The following LRRTM1 variants were observed in gnomAD, a reference collection of about 807,000 sequenced individuals.
The protein encoded by LRRTM1 is leucine rich repeat transmembrane neuronal 1.
A neutral mutation model predicts 37.3 loss-of-function variants in LRRTM1; 8 were observed. The observed-to-expected ratio is 0.21, with a 90% confidence interval of 0.13 to 0.39. The LOEUF (loss-of-function observed/expected upper bound fraction) is 0.39, where lower values mean the gene tolerates loss of function less well. LRRTM1 is among the 10% of genes least tolerant of loss of function. The probability of loss-of-function intolerance (pLI) is 1.00; values close to 1 mark genes in which losing one functional copy is unlikely to be tolerated. For missense variants in LRRTM1, 557 were observed against 691.0 expected (o/e 0.81, Z 2.17); for synonymous variants, 326 against 316.8 (o/e 1.03, Z -0.31).
chr2:80,292,383 A>C (rs981482055), intron 2 of LRRTM1, among the ~76,000 whole-genome samples: 1 of 152,118 alleles, frequency 6.6e-6, no homozygotes, highest in Non-Finnish European at 1.5e-5. Context: ...CCCTTGACAC[A>C]TCCTACCATG....
Position 80,302,636 on chromosome 2 carries a change from G to C in LRRTM1, c.1184C>G (p.Ala395Gly). 6.2e-7 allele frequency: 1 copy of C among 1,607,106 alleles called. No homozygotes were observed. Residue 395 changes from alanine (A) to glycine (G), a missense_variant, in exon 2 of 2, where the codon GCG (alanine) becomes GGG (glycine). Transcript: ENST00000295057. This position sits in a 1 kb window ranked among gnomAD's most constrained non-coding sequence, Gnocchi z 6.4. ...GPPASSATTL[A>G]DGGEGQHDGT... ...GTCGTGCTGCCCCTCCCCGCCGTCC[G>C]CGAGCGTGGTGGCCGAGCTGGCAGG...
In LRRTM1 at chr2:80,303,970, C is replaced by T; in HGVS notation, c.-59-92G>A. On this transcript the variant is annotated intron_variant, in intron 1 of 1. Transcript: ENST00000295057. This position sits in a 1 kb window ranked among gnomAD's most constrained non-coding sequence, Gnocchi z 7.7. ...AAATACATAGAAATAAAGAAGGACC[C>T]CCCTCCCCAAAAACCACACGTTCAC... The T allele has an allele frequency of 1.1e-6, 1 of 924,182 alleles. No homozygotes were observed. The highest frequency in any genetic ancestry group is 1.5e-6 in the Non-Finnish European group (1 of 656,280). 57.2% of individuals were successfully genotyped at this position (924,182 alleles called of 1,614,324 possible). A position where few individuals can be genotyped will look rare whatever the true frequency, so the allele number is the denominator to read the frequency against.
Position 80,304,134 on chromosome 2 carries a change from A to C in LRRTM1, c.-60+18T>G. The C allele has an allele frequency of 3.5e-6, 1 of 285,054 alleles. No homozygotes were observed. The highest frequency in any genetic ancestry group is 6.4e-6 in the Non-Finnish European group (1 of 155,112). 17.7% of individuals were successfully genotyped at this position (285,054 alleles called of 1,614,324 possible). ...AAAATCTTCGGGAAAGAATTTAATT[A>C]AAAAGTGTCTTACCCACCCTTTTCC... On this transcript the variant is annotated intron_variant, in intron 1 of 1. Transcript: ENST00000295057.
rs1471814713 is a variant in LRRTM1 at position 80,303,577 on chromosome 2, G to T, written c.243C>A (p.Arg81=). 1 of 1,614,230 alleles carries T rather than the reference G, an allele frequency of 6.2e-7. No individual in the cohort carries two copies. The highest frequency in any genetic ancestry group is 2.2e-5 in the East Asian group (1 of 44,872). Residue 81 remains arginine, a synonymous_variant, in exon 2 of 2, where the codon CGC becomes CGA. Transcript: ENST00000295057. This position sits in a 1 kb window ranked among gnomAD's most constrained non-coding sequence, Gnocchi z 7.7. ...SLRYNSLSEL[R]AGQFTGLMQL... is the part of the protein sequence containing the mutation. ...GCATTAACCCCGTGAACTGGCCGGC[G>T]CGCAGCTCCGAGAGGCTGTTGTAGC...
intron 2 of LRRTM1, among the ~76,000 whole-genome samples, chr2:80,292,004 A>G (rs889152197): frequency 1.3e-5 from 2 of 152,170 alleles, no homozygotes; most frequent in African/African-American, 4.8e-5. Flanking sequence ...CACTGCCTCC[A>G]TATCCCTCTT....
intron 2 of LRRTM1, among the ~76,000 whole-genome samples, chr2:80,295,279 A>G (rs1675646174): frequency 6.6e-6 from 1 of 150,988 alleles, no homozygotes; most frequent in African/African-American, 2.4e-5. Context: ...CCTGTGTCTC[A>G]GGTCTCATGT....
At chr2:80,299,987 G>A (rs947344600), downstream of LRRTM1, among the ~76,000 whole-genome samples, 3 of 152,110 alleles carry the variant, frequency 2.0e-5, no homozygotes, top group Non-Finnish European at 4.4e-5. Flanking sequence ...AAGGTATGCC[G>A]TCTTCTAGAG....
Position 80,302,000 on chromosome 2 carries a change from G to A in LRRTM1, c.*251C>T. ...GACAGATCTTCAAAGGGAGGAAGGA[G>A]TTCTCATATGAAATTTAAGATAGAC... On this transcript the variant is annotated 3_prime_UTR_variant, in exon 2 of 2. Transcript: ENST00000295057. The A allele has an allele frequency of 2.4e-6, 1 of 424,632 alleles. No homozygotes were observed. The highest frequency in any genetic ancestry group is 3.8e-5 in the East Asian group (1 of 26,564). 26.3% of individuals were successfully genotyped at this position (424,632 alleles called of 1,614,324 possible). A position where few individuals can be genotyped will look rare whatever the true frequency, so the allele number is the denominator to read the frequency against.
In LRRTM1 at chr2:80,302,388, G is replaced by A; in HGVS notation, c.1432C>T (p.His478Tyr). 1 of 1,614,260 alleles carries A rather than the reference G, an allele frequency of 6.2e-7. No homozygotes were observed. The highest frequency in any genetic ancestry group is 1.6e-4 in the Middle Eastern group (1 of 6,062). Residue 478 changes from histidine (H) to tyrosine (Y), a missense_variant, in exon 2 of 2, where the codon CAT becomes TAT. Physicochemically the swap from His to Tyr is moderately conservative, Grantham distance 83. Around this residue, in one of 5 missense-constraint regions of LRRTM1, gnomAD observed 90 missense variants for 149.4 expected, o/e 0.60. Coordinates refer to ENST00000295057, the MANE Select transcript of LRRTM1 (RefSeq NM_178839.5). The surrounding 1 kb of genome is among the most constrained non-coding windows in gnomAD (Gnocchi z 6.4). ...RRKQKQKQTM[H>Y]QMAAMSAQEY... ...TGGGCAGACATGGCAGCCATCTGATGCATGGTCTGTTTCTGCTTTTGCTTC... is the reference window on the plus strand; with the variant it reads ...TGGGCAGACATGGCAGCCATCTGATACATGGTCTGTTTCTGCTTTTGCTTC...
intron 2 of LRRTM1, among the ~76,000 whole-genome samples, chr2:80,294,125 A>C (rs1675512852): frequency 6.6e-6 from 1 of 152,182 alleles, no homozygotes; most frequent in African/African-American, 2.4e-5. Flanking sequence ...AGAAGGACTC[A>C]GAATTTAGAA....
Position 80,289,415 on chromosome 2 carries a change from A to G in LRRTM1, c.*307-220T>C, listed in dbSNP as rs145057281. 2.7e-4 allele frequency among the ~76,000 whole-genome samples: 41 copies of G among 152,244 alleles called. No individual in the cohort carries two copies. In the East Asian group the frequency reaches 6.8e-3, roughly 25 times the overall value. ...TCTCTACCCCAGTTCTCGCCTCTTTAGAGATAATTTTTATATTACTGATTT... is the reference window on the plus strand; with the variant it reads ...TCTCTACCCCAGTTCTCGCCTCTTTGGAGATAATTTTTATATTACTGATTT... On this transcript the variant is annotated intron_variant and NMD_transcript_variant, in intron 2 of 2. Transcript: ENST00000417012.
In LRRTM1 at chr2:80,303,909, A is replaced by T. The variant is rs1482546468; in HGVS notation, c.-59-31T>A. On this transcript the variant is annotated intron_variant, in intron 1 of 1. Coordinates refer to ENST00000295057, the MANE Select transcript of LRRTM1 (RefSeq NM_178839.5). This position sits in a 1 kb window ranked among gnomAD's most constrained non-coding sequence, Gnocchi z 7.7. ...TCATATTTTATTCCGAGGGAGGGGA[A>T]GCGGGGGAGGGGGAGAAAAGGGCAA... 7.0e-7 allele frequency: 1 copy of T among 1,419,774 alleles called. No homozygotes were observed. 87.9% of individuals were successfully genotyped at this position (1,419,774 alleles called of 1,614,324 possible). A position where few individuals can be genotyped will look rare whatever the true frequency, so the allele number is the denominator to read the frequency against.
At chr2:80,294,470 CCCTGACCCCA>C in intron 2 of LRRTM1, among the ~76,000 whole-genome samples, 1 of 151,436 alleles carries the variant, frequency 6.6e-6, no homozygotes. Context: ...CCCCATGGAG[CCCTGACCCCA>C]TGGAGCCCAG....
chr2:80,288,694 G>A (rs73938268), exon 3 of LRRTM1: 15,562 of 152,364 alleles, frequency 0.1, 981 homozygotes, highest in South Asian at 0.26. Context: ...GGAAGGGAGG[G>A]GAGGAAGCTT....
downstream of LRRTM1, among the ~76,000 whole-genome samples, chr2:80,297,169 G>GGCATTCAACAAGAATGTGTTGA (rs1273106435): frequency 6.6e-6 from 1 of 152,300 alleles, no homozygotes; most frequent in East Asian, 1.9e-4. Flanking sequence ...CTGTGCCCAT[G>GGCATTCAACAAGAATGTGTTGA]GCATTCAACA....
chr2:80,295,629 A>G (rs1414218546), intron 2 of LRRTM1, among the ~76,000 whole-genome samples: 1 of 152,206 alleles, frequency 6.6e-6, no homozygotes, highest in Non-Finnish European at 1.5e-5. Context: ...CCCAAACTGG[A>G]AAGGTTCTTA....
chr2:80,297,660 C>T (rs1475475547), downstream of LRRTM1, among the ~76,000 whole-genome samples: 1 of 152,048 alleles, frequency 6.6e-6, no homozygotes, highest in Non-Finnish European at 1.5e-5. Context: ...GTAGAGCATA[C>T]TTTAATGGAA....
rs1164265576 is a variant in LRRTM1, at chr2:80,304,574, C to T, written c.-482G>A. On this transcript the variant is annotated 5_prime_UTR_variant, in exon 1 of 2. Transcript: ENST00000295057. ...CGCGGAAACAGCCTGCCATTCGCGC[C>T]CCGGGCAGCTGCAGAGAGCGGGCTC... 6.5e-6 allele frequency: 1 copy of T among 153,054 alleles called. No homozygotes were observed. The highest frequency in any genetic ancestry group is 1.5e-5 in the Non-Finnish European group (1 of 68,082). 9.5% of individuals were successfully genotyped at this position (153,054 alleles called of 1,614,324 possible).
At chr2:80,294,332 A>G (rs186748809) in intron 2 of LRRTM1, among the ~76,000 whole-genome samples, 2 of 152,294 alleles carry the variant, frequency 1.3e-5, no homozygotes, top group East Asian at 3.9e-4. Context: ...GACTAATTCT[A>G]AGTACACCGA....
Sources: allele counts gnomAD v4.1 joint callset (sites outside exome capture counted in the v4.1 genomes callset), GRCh38; gene constraint gnomAD v4.1.1; regional missense constraint gnomAD v4.1.1; non-coding constraint Gnocchi (gnomAD v3.1); transcripts MANE v1.5; gene names NCBI Gene and HGNC (gene_info 2026-07-23, HGNC 2026-07-21).